Variants in PLCB1 observed in about 807,000 individuals in gnomAD.
PLCB1 encodes phospholipase C beta 1, also known as 1-phosphatidylinositol 4,5-bisphosphate phosphodiesterase beta-1.
PLCB1 carries 46 observed loss-of-function variants against 161.8 expected under a neutral mutation model. The observed-to-expected ratio is 0.28, with a 90% confidence interval of 0.22 to 0.36. The LOEUF (loss-of-function observed/expected upper bound fraction) is 0.36. PLCB1 is among the 10% of genes least tolerant of loss of function. The pLI is 1.00. For missense variants in PLCB1, 1,016 were observed against 1,472.5 expected (o/e 0.69, Z 5.07); for synonymous variants, 517 against 503.7 (o/e 1.03, Z -0.35).
chr20:8,708,809 A>G, intron 12 of PLCB1, 57 bp downstream of exon 12: 1 of 996,304 alleles, frequency 1.0e-6, no homozygotes, highest in South Asian at 1.3e-5. Flanking sequence ...CATACTGAGT[A>G]ATTGTTTATC....
intron 3 of PLCB1, among the ~76,000 whole-genome samples, chr20:8,388,793 C>A (rs1409277180): frequency 6.6e-6 from 1 of 152,096 alleles, no homozygotes; most frequent in Non-Finnish European, 1.5e-5. Flanking sequence ...GTTTTGACAG[C>A]TATTCACATT....
chr20:8,431,860 A>G (rs947300032), intron 3 of PLCB1, among the ~76,000 whole-genome samples: 7 of 152,186 alleles, frequency 4.6e-5, no homozygotes, highest in East Asian at 1.9e-4. Context: ...TTGGGCTGCC[A>G]TAATAAAATG....
intron 2 of PLCB1, among the ~76,000 whole-genome samples, chr20:8,242,451 G>C (rs1442561397): frequency 2.6e-5 from 4 of 151,912 alleles, no homozygotes; most frequent in Non-Finnish European, 5.9e-5. Context: ...AGAAGTGAGG[G>C]GTCAATGTGG....
intron 3 of PLCB1, among the ~76,000 whole-genome samples, chr20:8,603,708 A>G (rs1284267977): frequency 1.3e-5 from 2 of 152,178 alleles, no homozygotes; most frequent in Non-Finnish European, 2.9e-5. Flanking sequence ...TCTGATGCAC[A>G]CCTAAGTTTG....
intron 31 of PLCB1, among the ~76,000 whole-genome samples, chr20:8,870,541 A>C (rs1987575613): frequency 6.6e-6 from 1 of 152,200 alleles, no homozygotes; most frequent in Non-Finnish European, 1.5e-5. Context: ...GAACTATGTC[A>C]GAATGCATTT....
At chr20:8,242,362 G>A (rs1399495055) in intron 2 of PLCB1, among the ~76,000 whole-genome samples, 1 of 151,888 alleles carries the variant, frequency 6.6e-6, no homozygotes, top group African/African-American at 2.4e-5. Flanking sequence ...CCTCAGCCTG[G>A]GAGCAGGTTC....
chr20:8,863,565 A>G (rs1171365410), intron 31 of PLCB1, among the ~76,000 whole-genome samples: 1 of 152,194 alleles, frequency 6.6e-6, no homozygotes, highest in Non-Finnish European at 1.5e-5. Flanking sequence ...TGTTTCTAAC[A>G]AGATCCCAGA....
At chr20:8,701,945 T>C (rs1978388427) in intron 11 of PLCB1, among the ~76,000 whole-genome samples, 1 of 152,182 alleles carries the variant, frequency 6.6e-6, no homozygotes, top group Admixed American at 6.5e-5. Flanking sequence ...ACAGTATAAT[T>C]AGACTATATT....
At chr20:8,787,762 G>T (rs1391285057) in intron 27 of PLCB1, among the ~76,000 whole-genome samples, 3 of 152,260 alleles carry the variant, frequency 2.0e-5, no homozygotes, top group South Asian at 4.1e-4. Context: ...CCCCCTTGGG[G>T]CTTGATTTGA....
At position 8,884,758 on chromosome 20, in the gene PLCB1, T is replaced by C. The variant is rs552034062; in HGVS notation, c.*2909T>C. On this transcript the variant is annotated 3_prime_UTR_variant, in exon 32 of 32. Coordinates refer to ENST00000338037, the MANE Select transcript of PLCB1 (RefSeq NM_015192.4). The stretch of plus-strand genomic sequence containing the variant: ...TCTTAAAATGTACATATTTTGGTTC[T>C]TCTATCTCAAATTATTTAAAATGCA... The C allele has an allele frequency of 2.6e-5, 4 of 152,794 alleles. No individual in the cohort carries two copies. In the East Asian group the frequency reaches 7.7e-4, roughly 29 times the overall value. 9.5% of individuals were successfully genotyped at this position (152,794 alleles called of 1,614,324 possible). A position where few individuals can be genotyped will look rare whatever the true frequency, so the allele number is the denominator to read the frequency against.
At chr20:8,773,925 GATC>G (rs1313924009) in intron 26 of PLCB1, among the ~76,000 whole-genome samples, 1 of 149,122 alleles carries the variant, frequency 6.7e-6, no homozygotes, top group Non-Finnish European at 1.5e-5. Context: ...AGTGAGCTGA[GATC>G]ATGCCACTGC....
At chr20:8,155,778 A>AG (rs1307277578) in intron 2 of PLCB1, among the ~76,000 whole-genome samples, 1 of 152,204 alleles carries the variant, frequency 6.6e-6, no homozygotes, top group Non-Finnish European at 1.5e-5. Context: ...ATTAAATGCA[A>AG]TGATGTAGTT....
chr20:8,603,022 T>A (rs1987639538), intron 3 of PLCB1, among the ~76,000 whole-genome samples: 1 of 137,872 alleles, frequency 7.3e-6, no homozygotes, highest in Admixed American at 6.9e-5. Flanking sequence ...TGTTAAAGTA[T>A]CACATGGTTT....
chr20:8,428,960 G>T (rs1568672177), intron 3 of PLCB1, among the ~76,000 whole-genome samples: 1 of 152,170 alleles, frequency 6.6e-6, no homozygotes, highest in African/African-American at 2.4e-5. Flanking sequence ...TGGATTAGTT[G>T]TGTGATTCAG....
chr20:8,204,014 C>G (rs917154775), intron 2 of PLCB1, among the ~76,000 whole-genome samples: 4 of 152,248 alleles, frequency 2.6e-5, no homozygotes, highest in Non-Finnish European at 5.9e-5. Context: ...AACCTACTTG[C>G]AACCAAATCC....
chr20:8,808,289 C>T (rs1984639850), intron 31 of PLCB1, among the ~76,000 whole-genome samples: 1 of 152,172 alleles, frequency 6.6e-6, no homozygotes, highest in Non-Finnish European at 1.5e-5. Context: ...GGGGAGGCTT[C>T]TCCTCTGGGT....
chr20:8,869,541 G>T (rs892477448), intron 31 of PLCB1, among the ~76,000 whole-genome samples: 2 of 152,136 alleles, frequency 1.3e-5, no homozygotes, highest in Admixed American at 6.5e-5. Flanking sequence ...TAAGAATTTT[G>T]CTCCTGGAAA....
chr20:8,240,863 C>T (rs1488199487), intron 2 of PLCB1, among the ~76,000 whole-genome samples: 1 of 151,846 alleles, frequency 6.6e-6, no homozygotes, highest in Non-Finnish European at 1.5e-5. Flanking sequence ...TAAACTAGCC[C>T]CATGAAATTT....
At chr20:8,731,092 T>A (rs181698569) in intron 18 of PLCB1, among the ~76,000 whole-genome samples, 27 of 151,768 alleles carry the variant, frequency 1.8e-4, no homozygotes, top group Admixed American at 8.5e-4. Context: ...TTCTTTTTTA[T>A]TCAGTAGGAA....
Sources: gnomAD v4.1 joint callset for allele counts (sites outside exome capture counted in the v4.1 genomes callset) on GRCh38, gnomAD v4.1.1 for gene constraint, MANE v1.5 for transcripts, NCBI Gene and HGNC (gene_info 2026-07-23, HGNC 2026-07-21) for gene names.